Variants in NHSL1 observed in about 807,000 individuals in gnomAD.
NHSL1 encodes the protein NHS-like protein 1.
NHSL1 carries 48 observed loss-of-function variants against 95.0 expected under a neutral mutation model. The observed-to-expected ratio is 0.51, with a 90% CI of 0.40 to 0.64. The LOEUF is 0.64. Ranked by LOEUF, NHSL1 falls within the 30% of genes least tolerant of loss-of-function variation. NHSL1 has a pLI of 0.00. For synonymous variants in NHSL1, 783 were observed against 833.9 expected (o/e 0.94, Z 1.05); for missense variants, 1,971 against 2,077.7 (o/e 0.95, Z 1.00).
intron 5 of NHSL1, among the ~76,000 whole-genome samples, chr6:138,441,422 GA>G (rs1392339395): frequency 6.6e-6 from 1 of 152,120 alleles, no homozygotes; most frequent in Admixed American, 6.5e-5. Context: ...AACACAGATT[GA>G]ACAAAAAGAA....
rs1200483602 is a variant in NHSL1 at position 138,437,443 on chromosome 6, CACA to C, written c.665-3766_665-3764del. Among the ~76,000 whole-genome samples the C allele has an allele frequency of 5.5e-4, 23 of 41,598 alleles. 1 individual carries two copies. Among genetic ancestry groups the C allele is most frequent in the African/African-American group, 7.9e-4 (9 of 11,386 alleles). 27.3% of individuals were successfully genotyped at this position (41,598 alleles called of 152,430 possible). On this transcript the variant is annotated intron_variant, in intron 5 of 7. Coordinates refer to ENST00000343505, the MANE Select transcript of NHSL1 (RefSeq NM_001144060.2). Reference sequence around the variant, plus strand: ...ACACACACACACACACACACACACACACAAAAAAAAAAAAAAAAAATACAATGC... The same window carrying C: ...ACACACACACACACACACACACACACAAAAAAAAAAAAAAAAATACAATGC...
intron 1 of NHSL1, among the ~76,000 whole-genome samples, chr6:138,664,078 A>C (rs553578093): frequency 6.6e-6 from 1 of 152,316 alleles, no homozygotes; most frequent in East Asian, 1.9e-4. Flanking sequence ...AAACAAACAA[A>C]TGCGGATTAG....
intron 1 of NHSL1, among the ~76,000 whole-genome samples, chr6:138,601,686 C>T (rs1784372784): frequency 6.6e-6 from 1 of 152,044 alleles, no homozygotes; most frequent in South Asian, 2.1e-4. Flanking sequence ...GTGGCACGCA[C>T]ATGTAGTCCC....
At chr6:138,521,035 A>C (rs1583348192) in intron 1 of NHSL1, among the ~76,000 whole-genome samples, 1 of 152,234 alleles carries the variant, frequency 6.6e-6, no homozygotes, top group African/African-American at 2.4e-5. Context: ...GGAGCTATGC[A>C]AGGGATTCCT....
chr6:138,682,118 C>G (rs1785520776), intron 1 of NHSL1, among the ~76,000 whole-genome samples: 1 of 151,968 alleles, frequency 6.6e-6, no homozygotes, highest in Non-Finnish European at 1.5e-5. Context: ...AGATTACAGG[C>G]ACCTGCTACC....
At chr6:138,581,717 A>C (rs1039630586) in intron 1 of NHSL1, among the ~76,000 whole-genome samples, 8 of 140,260 alleles carry the variant, frequency 5.7e-5, no homozygotes, top group Admixed American at 1.4e-4. Context: ...AAAAAAAAAA[A>C]TTTCAGGAAA....
chr6:138,509,959 G>A (rs9495101), intron 1 of NHSL1, among the ~76,000 whole-genome samples: 8,400 of 152,250 alleles, frequency 0.055, 281 homozygotes, highest in Admixed American at 0.1. Context: ...ACACAAAGGA[G>A]TCCAAAAGTG....
chr6:138,650,367 CCA>C (rs1785074518), intron 1 of NHSL1: 4 of 1,317,302 alleles, frequency 3.0e-6, no homozygotes, highest in African/African-American at 1.5e-5. Flanking sequence ...AGCCTGCAGC[CCA>C]CAGTTGTTCA....
intron 1 of NHSL1, among the ~76,000 whole-genome samples, chr6:138,509,499 T>C (rs1368218582): frequency 1.3e-5 from 2 of 151,946 alleles, no homozygotes; most frequent in African/African-American, 2.4e-5. Context: ...TAGAAAAAAA[T>C]GAGAGCAAAG....
chr6:138,682,535 A>G (rs1182378817), intron 1 of NHSL1, among the ~76,000 whole-genome samples: 1 of 152,214 alleles, frequency 6.6e-6, no homozygotes, highest in African/African-American at 2.4e-5. Flanking sequence ...TTATTTAGTT[A>G]TATATCTAAC....
At chr6:138,614,223 G>A (rs7762689) in intron 1 of NHSL1, among the ~76,000 whole-genome samples, 34,669 of 152,086 alleles carry the variant, frequency 0.23, 3,942 homozygotes, top group South Asian at 0.31. Context: ...AATTCAGCTG[G>A]TGCTCACCAT....
chr6:138,475,635 A>T (rs1048814694), intron 2 of NHSL1, among the ~76,000 whole-genome samples: 16 of 152,078 alleles, frequency 1.1e-4, no homozygotes, highest in Non-Finnish European at 1.5e-5. Context: ...AAAAAATAAC[A>T]CTCAAGAATG....
At chr6:138,479,368 T>C (rs1583268853) in intron 2 of NHSL1, among the ~76,000 whole-genome samples, 1 of 152,324 alleles carries the variant, frequency 6.6e-6, no homozygotes, top group East Asian at 1.9e-4. Context: ...ATGGCCAGCA[T>C]TACTCCTCTT....
chr6:138,547,148 T>C (rs942671818), upstream of NHSL1, among the ~76,000 whole-genome samples: 2 of 152,186 alleles, frequency 1.3e-5, no homozygotes, highest in Non-Finnish European at 1.5e-5. Context: ...GGATGCTCTA[T>C]GTTCTTTTGG....
intron 1 of NHSL1, among the ~76,000 whole-genome samples, chr6:138,676,935 C>T (rs1440679081): frequency 1.3e-5 from 2 of 152,194 alleles, no homozygotes; most frequent in African/African-American, 2.4e-5. Context: ...GGATTACAGG[C>T]GTGAGCCACT....
In NHSL1 at chr6:138,429,720, G is replaced by A; in HGVS notation, c.4076C>T (p.Ala1359Val). ...RPRTTEDLFAAIHRSKRKVLG... is the reference protein window; with the variant it reads ...RPRTTEDLFAVIHRSKRKVLG... ...AAGGAGTTTGAAATACCTGTGAATA[G>A]CTGCAAAAAGGTCTTCTGTGGTCCT... The change falls in exon 7 of 8, where the codon GCT (alanine) becomes GTT (valine). Residue 1359 changes from alanine (A) to valine (V), a missense_variant. Ala to Val is a moderately conservative substitution (Grantham distance 64). Around this residue, in one of 3 missense-constraint regions of NHSL1, gnomAD observed 146 missense variants for 206.3 expected, o/e 0.71. Coordinates refer to ENST00000343505, the MANE Select transcript of NHSL1 (RefSeq NM_001144060.2). The A allele has an allele frequency of 6.4e-7, 1 of 1,550,860 alleles. No homozygotes were observed. The highest frequency in any genetic ancestry group is 1.4e-5 in the African/African-American group (1 of 73,088).
At chr6:138,623,495 T>C (rs1468386794) in intron 1 of NHSL1, among the ~76,000 whole-genome samples, 2 of 152,218 alleles carry the variant, frequency 1.3e-5, no homozygotes, top group African/African-American at 4.8e-5. Flanking sequence ...CCAATTAACA[T>C]ATTACCTCAC....
At chr6:138,666,036 G>A (rs893168688) in intron 1 of NHSL1, among the ~76,000 whole-genome samples, 1 of 152,240 alleles carries the variant, frequency 6.6e-6, no homozygotes, top group Non-Finnish European at 1.5e-5. Flanking sequence ...GGGTGCAGTG[G>A]CTCACGCCTG....
chr6:138,489,845 GGAGAGA>G (rs1779940389), intron 2 of NHSL1, among the ~76,000 whole-genome samples: 1 of 29,696 alleles, frequency 3.4e-5, no homozygotes, highest in Non-Finnish European at 5.9e-5. Flanking sequence ...AGAGAGAGAG[GGAGAGA>G]GGGAGAGAGA....
Sources: allele counts gnomAD v4.1 joint callset (sites outside exome capture counted in the v4.1 genomes callset), GRCh38; gene constraint gnomAD v4.1.1; regional missense constraint gnomAD v4.1.1; transcripts MANE v1.5; gene names NCBI Gene and HGNC (gene_info 2026-07-23, HGNC 2026-07-21).